Variants in ZMYM1 observed in about 807,000 individuals in gnomAD.
ZMYM1 encodes zinc finger MYM-type containing 1, also known as zinc finger MYM-type protein 1.
A neutral mutation model predicts 60.0 loss-of-function variants in ZMYM1; 39 were observed. The ratio of observed to expected loss-of-function variants is 0.65; its 90% CI spans 0.50 to 0.85. The LOEUF (loss-of-function observed/expected upper bound fraction) is 0.85. ZMYM1 is among the 40% of genes least tolerant of loss of function. ZMYM1 has a pLI of 0.00. For missense variants in ZMYM1, 1,171 were observed against 1,309.5 expected, an observed-to-expected ratio of 0.89 and a Z score of 1.63; for synonymous variants, 413 against 454.0, an observed-to-expected ratio of 0.91 and a Z score of 1.15.
chr1:35,092,807 T>C (rs544340511), intron 1 of ZMYM1, among the ~76,000 whole-genome samples: 2 of 152,088 alleles, frequency 1.3e-5, no homozygotes, highest in Admixed American at 1.3e-4. Flanking sequence ...GTATTTTTAG[T>C]AGAGATGGGA....
intron 1 of ZMYM1, among the ~76,000 whole-genome samples, chr1:35,060,557 C>T (rs1466274149): frequency 2.0e-5 from 3 of 152,104 alleles, no homozygotes; most frequent in African/African-American, 7.2e-5. Flanking sequence ...GGAAGGAAGA[C>T]CTCTGAACTA....
intron 1 of ZMYM1, among the ~76,000 whole-genome samples, chr1:35,064,927 G>A (rs1464373912): frequency 6.6e-6 from 1 of 151,740 alleles, no homozygotes; most frequent in Admixed American, 6.6e-5. Flanking sequence ...CGCCTGCCTC[G>A]GCCTCCCAAA....
intron 1 of ZMYM1, among the ~76,000 whole-genome samples, chr1:35,066,338 C>T (rs1641971724): frequency 6.6e-6 from 1 of 152,190 alleles, no homozygotes; most frequent in Non-Finnish European, 1.5e-5. Context: ...GCTGGGATTA[C>T]AGGCACACGC....
chr1:35,077,783 A>C (rs533186050), upstream of ZMYM1, among the ~76,000 whole-genome samples: 3 of 152,268 alleles, frequency 2.0e-5, no homozygotes, highest in South Asian at 6.2e-4. Flanking sequence ...CTGATTCCCA[A>C]ATGCTCGAGG....
intron 1 of ZMYM1, among the ~76,000 whole-genome samples, chr1:35,072,415 T>C (rs1642083540): frequency 6.6e-6 from 1 of 152,190 alleles, no homozygotes; most frequent in African/African-American, 2.4e-5. Context: ...CTTTTTCATC[T>C]GTCATTTTAT....
chr1:35,073,090 A>T (rs1390310228), intron 1 of ZMYM1, among the ~76,000 whole-genome samples: 1 of 151,080 alleles, frequency 6.6e-6, no homozygotes, highest in Non-Finnish European at 1.5e-5. Context: ...TCGAAAAAAA[A>T]AATACAAAAA....
At chr1:35,067,686 C>A (rs2148476644) in intron 1 of ZMYM1, among the ~76,000 whole-genome samples, 1 of 151,728 alleles carries the variant, frequency 6.6e-6, no homozygotes, top group East Asian at 2.0e-4. Flanking sequence ...AGCAGCCTGG[C>A]CAATATGGTG....
chr1:35,076,010 G>A (rs1642160132), upstream of ZMYM1, among the ~76,000 whole-genome samples: 1 of 151,990 alleles, frequency 6.6e-6, no homozygotes. Context: ...CATGGCAAGG[G>A]CACAATTCAA....
chr1:35,078,033 T>C (rs1160409389), upstream of ZMYM1, among the ~76,000 whole-genome samples: 2 of 152,164 alleles, frequency 1.3e-5, no homozygotes, highest in Non-Finnish European at 2.9e-5. Flanking sequence ...TTGGGGCAAA[T>C]TACCTTTATC....
intron 1 of ZMYM1, among the ~76,000 whole-genome samples, chr1:35,066,346 C>T (rs990351652): frequency 4.6e-5 from 7 of 152,208 alleles, no homozygotes; most frequent in African/African-American, 1.7e-4. Context: ...TACAGGCACA[C>T]GCCACCACGC....
chr1:35,104,300 T>G lies in ZMYM1; in HGVS notation c.425T>G (p.Ile142Ser). ...TCCTTGTTATTTATTCTTAGAGACATTTTAAATCCAAAGGATGTGATTAGT... is the reference window on the plus strand; with the variant it reads ...TCCTTGTTATTTATTCTTAGAGACAGTTTAAATCCAAAGGATGTGATTAGT... ...KRTCSNCSKD[I>S]LNPKDVISVQ... Residue 142 changes from isoleucine to serine, a missense_variant, in exon 5 of 10, where the codon ATT (isoleucine) becomes AGT (serine). By Grantham distance (142) the Ile-to-Ser change is moderately radical. Coordinates refer to ENST00000359858, the MANE Select transcript of ZMYM1 (RefSeq NM_024772.5). The G allele has an allele frequency of 6.3e-7, 1 of 1,575,106 alleles. No individual in the cohort carries two copies. The highest frequency in any genetic ancestry group is 2.2e-5 in the East Asian group (1 of 44,558).
At chr1:35,075,196 T>C (rs1642145906), upstream of ZMYM1, among the ~76,000 whole-genome samples, 1 of 152,336 alleles carries the variant, frequency 6.6e-6, no homozygotes, top group East Asian at 1.9e-4. Context: ...CTGATATAAG[T>C]GTGGCTACTC....
At chr1:35,087,842 C>G (rs1642741657) in intron 1 of ZMYM1, among the ~76,000 whole-genome samples, 1 of 151,962 alleles carries the variant, frequency 6.6e-6, no homozygotes, top group Admixed American at 6.6e-5. Flanking sequence ...GCCGGTGGAT[C>G]ATGAGGTCAG....
chr1:35,109,937 G>A (rs1175420987), intron 6 of ZMYM1, among the ~76,000 whole-genome samples: 5 of 151,964 alleles, frequency 3.3e-5, no homozygotes, highest in Admixed American at 6.6e-5. Flanking sequence ...TAGTAGAGAC[G>A]GGATTTCACT....
At chr1:35,060,143 G>GTTATTATTATTA (rs144363831) in intron 1 of ZMYM1, among the ~76,000 whole-genome samples, 9 of 144,098 alleles carry the variant, frequency 6.2e-5, no homozygotes, top group East Asian at 2.0e-4. Context: ...ACTATTTGTT[G>GTTATTATTATTA]TTATTATTAT....
At chr1:35,063,649 T>TAAC (rs1641915125) in intron 1 of ZMYM1, among the ~76,000 whole-genome samples, 1 of 152,016 alleles carries the variant, frequency 6.6e-6, no homozygotes, top group African/African-American at 2.4e-5. Context: ...AGGCCGCAGC[T>TAAC]AACAACAACA....
Position 35,097,487 on chromosome 1 carries a change from T to A in ZMYM1, c.340T>A (p.Ser114Thr). The A allele has an allele frequency of 6.2e-7, 1 of 1,614,168 alleles. No homozygotes were observed. Among genetic ancestry groups the A allele is most frequent in the Non-Finnish European group, 8.5e-7 (1 of 1,180,026 alleles). The change falls in exon 4 of 10, where the codon TCC becomes ACC. Residue 114 changes from serine (S) to threonine (T), a missense_variant. Transcript: ENST00000359858. The stretch of plus-strand genomic sequence containing the variant: ...GAAAGGATCTGCTCAACTTTTCTGC[T>A]CCATACCATGCATCACTGAATACAT... ...QRKGSAQLFC[S>T]IPCITEYISS...
At chr1:35,066,947 G>T (rs115461069) in intron 1 of ZMYM1, among the ~76,000 whole-genome samples, 2,850 of 152,216 alleles carry the variant, frequency 0.019, 39 homozygotes, top group Middle Eastern at 0.034. Context: ...AAACAATTTT[G>T]AAAAAGATCA....
intron 3 of ZMYM1, among the ~76,000 whole-genome samples, chr1:35,096,999 A>G (rs1336356386): frequency 6.6e-6 from 1 of 151,992 alleles, no homozygotes; most frequent in Non-Finnish European, 1.5e-5. Flanking sequence ...CTAATTTTGT[A>G]TTTTTAATTG....
Sources: allele counts gnomAD v4.1 joint callset (sites outside exome capture counted in the v4.1 genomes callset), GRCh38; gene constraint gnomAD v4.1.1; transcripts MANE v1.5; gene names NCBI Gene and HGNC (gene_info 2026-07-23, HGNC 2026-07-21).